The following ENTREP2 variants were observed in gnomAD, a reference collection of about 807,000 sequenced individuals.
The protein encoded by ENTREP2 is endosomal transmembrane epsin interactor 2.
the ENTREP2 span, among the ~76,000 whole-genome samples, chr15:29,454,839 A>G: frequency 6.6e-6 from 1 of 152,222 alleles, no homozygotes; most frequent in African/African-American, 2.4e-5. Context: ...AAAACTGGGA[A>G]GTAATACACA....
At chr15:29,407,374 C>T in the ENTREP2 span, among the ~76,000 whole-genome samples, 14 of 152,266 alleles carry the variant, frequency 9.2e-5, no homozygotes, top group African/African-American at 1.7e-4. Flanking sequence ...GTGTGGTGTA[C>T]GACTGTATAT....
chr15:29,450,146 TG>T, the ENTREP2 span, among the ~76,000 whole-genome samples: 1 of 152,198 alleles, frequency 6.6e-6, no homozygotes, highest in Non-Finnish European at 1.5e-5. Context: ...TTCTGAATAT[TG>T]GACCTTTGTC....
the ENTREP2 span, among the ~76,000 whole-genome samples, chr15:29,252,694 T>C: frequency 1.3e-5 from 2 of 152,222 alleles, no homozygotes; most frequent in Non-Finnish European, 2.9e-5. Context: ...TAGGAAGCCA[T>C]AGCAAGCTAC....
the ENTREP2 span, among the ~76,000 whole-genome samples, chr15:29,626,801 T>C: frequency 1.3e-5 from 2 of 152,192 alleles, no homozygotes; most frequent in African/African-American, 2.4e-5. Flanking sequence ...CTGTAGATGA[T>C]CTTACTCAAG....
the ENTREP2 span, among the ~76,000 whole-genome samples, chr15:29,177,057 AG>A: frequency 6.6e-6 from 1 of 152,164 alleles, no homozygotes; most frequent in Non-Finnish European, 1.5e-5. Context: ...GGGTGGGAGA[AG>A]GAAGAGTTGG....
the ENTREP2 span, among the ~76,000 whole-genome samples, chr15:29,671,968 G>A: frequency 2.0e-5 from 3 of 152,150 alleles, no homozygotes; most frequent in Non-Finnish European, 4.4e-5. Context: ...GGAAGGAGAC[G>A]GTTTACTGCA....
At chr15:29,444,244 AAG>A in the ENTREP2 span, among the ~76,000 whole-genome samples, 1 of 138,836 alleles carries the variant, frequency 7.2e-6, no homozygotes, top group South Asian at 2.4e-4. Flanking sequence ...GAAAGAAAGA[AAG>A]AAAGAGAAAG....
the ENTREP2 span, among the ~76,000 whole-genome samples, chr15:29,147,596 C>A: frequency 6.6e-6 from 1 of 151,508 alleles, no homozygotes; most frequent in African/African-American, 2.4e-5. Context: ...ACTGGAACCA[C>A]AATGAAATAC....
the ENTREP2 span, among the ~76,000 whole-genome samples, chr15:29,379,311 G>T: frequency 6.6e-6 from 1 of 152,138 alleles, no homozygotes; most frequent in Non-Finnish European, 1.5e-5. Context: ...CACAGGCCAC[G>T]CCTGACCTGG....
the ENTREP2 span, among the ~76,000 whole-genome samples, chr15:29,575,778 C>T: frequency 8.2e-4 from 124 of 152,010 alleles, no homozygotes; most frequent in Non-Finnish European, 2.9e-4. Flanking sequence ...AATGAAATAC[C>T]TGGGAATAAA....
chr15:29,118,656 T>G, the ENTREP2 span, among the ~76,000 whole-genome samples: 6 of 152,330 alleles, frequency 3.9e-5, no homozygotes, highest in Admixed American at 1.3e-4. Context: ...GCCTTGGGCT[T>G]CTTCAGATTT....
At chr15:29,322,642 GCT>G in the ENTREP2 span, among the ~76,000 whole-genome samples, 1 of 152,170 alleles carries the variant, frequency 6.6e-6, no homozygotes, top group South Asian at 2.1e-4. Flanking sequence ...CACGAGTGCT[GCT>G]CTGTGTTTAC....
chr15:29,216,998 T>C, the ENTREP2 span, among the ~76,000 whole-genome samples: 1 of 152,146 alleles, frequency 6.6e-6, no homozygotes, highest in East Asian at 1.9e-4. Context: ...CTTTTATATC[T>C]TGGTTTAGGA....
the ENTREP2 span, among the ~76,000 whole-genome samples, chr15:29,167,207 A>G: frequency 6.6e-6 from 1 of 152,228 alleles, no homozygotes; most frequent in Non-Finnish European, 1.5e-5. Flanking sequence ...ACCTGAAACT[A>G]TAAAAATTCT....
chr15:29,666,675 C>A, the ENTREP2 span, among the ~76,000 whole-genome samples: 146 of 152,318 alleles, frequency 9.6e-4, 2 homozygotes, highest in Non-Finnish European at 8.4e-4. Flanking sequence ...GTCCCCACCT[C>A]AGGACTTTTG....
the ENTREP2 span, among the ~76,000 whole-genome samples, chr15:29,637,363 C>A: frequency 3.9e-5 from 6 of 152,316 alleles, no homozygotes; most frequent in Admixed American, 3.9e-4. Context: ...TACAAATGTG[C>A]TTGCAATGGG....
At chr15:29,127,484 C>T in the ENTREP2 span, among the ~76,000 whole-genome samples, 1 of 152,290 alleles carries the variant, frequency 6.6e-6, no homozygotes, top group South Asian at 2.1e-4. Context: ...GGCCACCTCC[C>T]ACTTCATCCT....
chr15:29,190,110 G>T, the ENTREP2 span, among the ~76,000 whole-genome samples: 562 of 152,298 alleles, frequency 3.7e-3, 2 homozygotes, highest in African/African-American at 0.013. Context: ...ACCAGGACCT[G>T]CTCAGGAACC....
At chr15:29,302,629 A>G in the ENTREP2 span, among the ~76,000 whole-genome samples, 1 of 152,126 alleles carries the variant, frequency 6.6e-6, no homozygotes, top group Non-Finnish European at 1.5e-5. Context: ...CTTGCCAAAA[A>G]TAATTACATC....
Sources: allele counts gnomAD v4.1 joint callset (sites outside exome capture counted in the v4.1 genomes callset), GRCh38; gene constraint gnomAD v4.1.1; transcripts MANE v1.5; gene names NCBI Gene and HGNC (gene_info 2026-07-23, HGNC 2026-07-21).